Variants in EPS8L3 observed in about 807,000 individuals in gnomAD.
The protein encoded by EPS8L3 is EPS8 signaling adaptor L3.
Under a neutral mutation model 88.5 loss-of-function variants are expected in EPS8L3, and 80 were observed. The observed-to-expected ratio is 0.90, with a 90% CI of 0.75 to 1.09. The LOEUF (loss-of-function observed/expected upper bound fraction) is 1.09, where lower values mean the gene tolerates loss of function less well. Ranked by LOEUF, EPS8L3 falls within the 50% of genes least tolerant of loss-of-function variation. The pLI is 0.00. For synonymous variants in EPS8L3, 286 were observed against 291.0 expected (o/e 0.98, Z 0.18); for missense variants, 721 against 735.2 (o/e 0.98, Z 0.22).
At chr1:109,755,673 G>A (rs1299545593) in intron 12 of EPS8L3, among the ~76,000 whole-genome samples, 1 of 152,144 alleles carries the variant, frequency 6.6e-6, no homozygotes, top group Non-Finnish European at 1.5e-5. Context: ...CAGACATGGT[G>A]GTGGCACACA....
rs372417603 is a variant in EPS8L3, at chr1:109,750,760, C to T, written c.1670G>A (p.Ser557Asn). ...TVRTLGSLTG[S>N]QLLRIRPGEL... ...CCCAGGTCTTATGCGAAGTAGCTGG[C>T]TCCCCGTCAGGGACCCAAGTGTCCT... The change falls in exon 18 of 19, where the codon AGC becomes AAC. Residue 557 changes from serine to asparagine, a missense_variant. Coordinates refer to ENST00000361965, the MANE Select transcript of EPS8L3 (RefSeq NM_133181.4). 2 of 1,614,082 alleles carry T rather than the reference C, an allele frequency of 1.2e-6. No homozygotes were observed. The highest frequency in any genetic ancestry group is 2.7e-5 in the African/African-American group (2 of 74,942).
At chr1:109,752,268 C>T (rs1442287051) in intron 14 of EPS8L3, 75 bp from the exon 15 acceptor site, 7 of 1,392,176 alleles carry the variant, frequency 5.0e-6, no homozygotes, top group East Asian at 4.6e-5. Flanking sequence ...TGAGATTCCC[C>T]TCAGGTATCT....
In EPS8L3 at chr1:109,750,265, T is replaced by A; in HGVS notation, c.*126A>T. 1 of 1,159,086 alleles carries A rather than the reference T, an allele frequency of 8.6e-7. No individual in the cohort carries two copies. The highest frequency in any genetic ancestry group is 1.3e-6 in the Non-Finnish European group (1 of 796,802). The allele number at this position is 1,159,086 out of a possible 1,614,324, so 71.8% of individuals were successfully genotyped here. ...GGGCCTGTCCATTGTTTTTGCTGTG[T>A]GAGCTGGGGTGTGGGGTTTGCTGCA... On this transcript the variant is annotated 3_prime_UTR_variant, in exon 19 of 19. Coordinates refer to ENST00000361965, the MANE Select transcript of EPS8L3 (RefSeq NM_133181.4).
chr1:109,763,108 T>C (rs534035145), intron 1 of EPS8L3, among the ~76,000 whole-genome samples: 9 of 152,276 alleles, frequency 5.9e-5, no homozygotes, highest in African/African-American at 1.9e-4. Context: ...ATTAGGACTG[T>C]TGTGAAAATG....
At chr1:109,753,348 C>T (rs1212680186) in intron 12 of EPS8L3, 150 bp from the exon 13 acceptor site, 1 of 619,992 alleles carries the variant, frequency 1.6e-6, no homozygotes, top group African/African-American at 1.8e-5. Context: ...ATGAAAGGCC[C>T]CAGGACACCC....
intron 11 of EPS8L3, 22 bp downstream of exon 11, chr1:109,757,459 A>G (rs758389699): frequency 3.7e-6 from 6 of 1,608,138 alleles, no homozygotes; most frequent in Non-Finnish European, 5.1e-6. Flanking sequence ...CGTCTTCACC[A>G]CCCTGTCGTC....
In EPS8L3 at chr1:109,758,016, C is replaced by T. The variant is rs777818613; in HGVS notation, c.760G>A (p.Gly254Arg). ...TTTGCCTGGGCCTTCTCCAGCTTTCCCATGAACAGCTCAATGTCCCTTAGG... is the reference window on the plus strand; with the variant it reads ...TTTGCCTGGGCCTTCTCCAGCTTTCTCATGAACAGCTCAATGTCCCTTAGG... The part of the protein sequence containing the change: ...HVLRDIELFM[G>R]KLEKAQAKTS... The change falls in exon 9 of 19, where the codon GGA (glycine) becomes AGA (arginine). Residue 254 changes from glycine (G) to arginine (R), a missense_variant. Transcript: ENST00000361965. The T allele has an allele frequency of 1.2e-6, 2 of 1,614,206 alleles. No homozygotes were observed. The highest frequency in any genetic ancestry group is 4.5e-5 in the East Asian group (2 of 44,878).
In EPS8L3 at chr1:109,757,066, G is replaced by A; in HGVS notation, c.1069C>T (p.Pro357Ser). ...INLLQSCLSP[P>S]ESNLWMGLGP... Reference sequence around the variant, plus strand: ...AACCCCATCCAAAGGTTACTCTCAGGTGGGCTTAGACAGGACTGTAGCAGG... The same window carrying A: ...AACCCCATCCAAAGGTTACTCTCAGATGGGCTTAGACAGGACTGTAGCAGG... Residue 357 changes from proline (P) to serine (S), a missense_variant, in exon 12 of 19, where the codon CCT (proline) becomes TCT (serine). By Grantham distance (74) the Pro-to-Ser change is moderately conservative. Coordinates refer to ENST00000361965, the MANE Select transcript of EPS8L3 (RefSeq NM_133181.4). 5.6e-6 allele frequency: 9 copies of A among 1,614,190 alleles called. No individual in the cohort carries two copies. The highest frequency in any genetic ancestry group is 1.3e-5 in the African/African-American group (1 of 75,054).
chr1:109,756,186 C>T (rs1295150512), intron 12 of EPS8L3, among the ~76,000 whole-genome samples: 2 of 152,228 alleles, frequency 1.3e-5, no homozygotes, highest in Non-Finnish European at 2.9e-5. Flanking sequence ...CTCAGCTCAG[C>T]GTGCCCAAGC....
At position 109,751,932 on chromosome 1, in the gene EPS8L3, C is replaced by G. The variant is rs1649832185; in HGVS notation, c.1434+63G>C. ...CAGCTCCATCCCTGGACCATCCACC[C>G]TTGGCTGCCTGTAGCTCCCACCAAC... On this transcript the variant is annotated intron_variant, in intron 15 of 18. Transcript: ENST00000361965. 3.2e-6 allele frequency: 5 copies of G among 1,563,312 alleles called. No individual in the cohort carries two copies. In the East Asian group the frequency reaches 1.1e-4, roughly 35 times the overall value.
At position 109,750,188 on chromosome 1, in the gene EPS8L3, T is replaced by A. The variant is rs770189147; in HGVS notation, c.*203A>T. The A allele has an allele frequency of 1.1e-4, 66 of 623,682 alleles. 1 individual carries two copies. The highest frequency in any genetic ancestry group is 1.6e-4 in the Non-Finnish European group (55 of 352,606). The allele number at this position is 623,682 out of a possible 1,614,324, so 38.6% of individuals were successfully genotyped here. A position where few individuals can be genotyped will look rare whatever the true frequency, so the allele number is the denominator to read the frequency against. On this transcript the variant is annotated 3_prime_UTR_variant, in exon 19 of 19. Coordinates refer to ENST00000361965, the MANE Select transcript of EPS8L3 (RefSeq NM_133181.4). ...GAAAGAGGTAAAATAAATAGGTGGT[T>A]ACTGGGGAGGCTCCAACACAGCCAG...
intron 14 of EPS8L3, 61 bp from the exon 15 acceptor site, chr1:109,752,254 G>C: frequency 6.7e-7 from 1 of 1,485,430 alleles, no homozygotes; most frequent in African/African-American, 1.4e-5. Context: ...CTATGTCCCA[G>C]CCCTGAGATT....
Position 109,757,154 on chromosome 1 carries a change from C to A in EPS8L3, c.981G>T (p.Arg327Ser). The part of the protein sequence containing the change: ...LFKSLNFILA[R>S]CPEAGLAAQV... ...GGGCTGCTAGGCCAGCCTCAGGGCA[C>A]CTGGCCAGGATCTAGGGGAGAGATG... The change falls in exon 12 of 19, where the codon AGG (arginine) becomes AGT (serine). Residue 327 changes from arginine (R) to serine (S), a missense_variant. By Grantham distance (110) the Arg-to-Ser change is moderately radical (BLOSUM62 -1). Transcript: ENST00000361965. 1 of 1,611,282 alleles carries A rather than the reference C, an allele frequency of 6.2e-7. No individual in the cohort carries two copies. The highest frequency in any genetic ancestry group is 8.5e-7 in the Non-Finnish European group (1 of 1,178,364).
intron 3 of EPS8L3, among the ~76,000 whole-genome samples, chr1:109,760,928 G>A (rs1481387613): frequency 6.6e-6 from 1 of 152,128 alleles, no homozygotes; most frequent in African/African-American, 2.4e-5. Flanking sequence ...AAATCTTGCA[G>A]TGCCTGCATC....
In EPS8L3 at chr1:109,751,345, T is replaced by C; in HGVS notation, c.1570A>G (p.Met524Val). The C allele has an allele frequency of 6.2e-7, 1 of 1,613,664 alleles. No individual in the cohort carries two copies. The highest frequency in any genetic ancestry group is 8.5e-7 in the Non-Finnish European group (1 of 1,179,962). ...TQGQSPSRVPMLRLSSRPEEV... is the reference protein window; with the variant it reads ...TQGQSPSRVPVLRLSSRPEEV... ...TCAGGCCTCGAGCTAAGTCGAAGCATTGGAACCTAGAATCAGGGGGAACCA... is the reference window on the plus strand; with the variant it reads ...TCAGGCCTCGAGCTAAGTCGAAGCACTGGAACCTAGAATCAGGGGGAACCA... Residue 524 changes from methionine (M) to valine (V), a missense_variant, in exon 17 of 19, where the codon ATG becomes GTG. Transcript: ENST00000361965.
rs552113621 is a variant in EPS8L3, at chr1:109,753,789, A to G, written c.1119-591T>C. Among the ~76,000 whole-genome samples the G allele has an allele frequency of 1.9e-4, 29 of 152,066 alleles. 1 individual carries two copies. Among genetic ancestry groups the G allele is most frequent in the Middle Eastern group, 6.8e-3 (2 of 294 alleles). On this transcript the variant is annotated intron_variant, in intron 12 of 18. Coordinates refer to ENST00000361965, the MANE Select transcript of EPS8L3 (RefSeq NM_133181.4). ...GCTTGCCCTGCTTGGAATATTTTCC[A>G]CTTGTCTGCCCAGGGAATGCCCATT...
intron 12 of EPS8L3, among the ~76,000 whole-genome samples, chr1:109,756,098 G>T (rs75272130): frequency 0.013 from 1,940 of 152,334 alleles, 40 homozygotes; most frequent in African/African-American, 0.045. Context: ...CCCAGTAGCT[G>T]TGCCTCTAGC....
Position 109,759,432 on chromosome 1 carries a change from T to C in EPS8L3, c.256-45A>G. 1 of 1,601,130 alleles carries C rather than the reference T, an allele frequency of 6.2e-7. No individual in the cohort carries two copies. The highest frequency in any genetic ancestry group is 1.1e-5 in the South Asian group (1 of 88,186). ...CAACTGTGAGGCCACCAGAGCTAGG[T>C]GTGGCTTCTGGGAGCTCCTGACCAG... On this transcript the variant is annotated intron_variant, in intron 4 of 18. Transcript: ENST00000361965. The surrounding 1 kb of genome is among the most constrained non-coding windows in gnomAD (Gnocchi z 4.2).
chr1:109,752,592 G>C (rs1194316223), intron 14 of EPS8L3, 94 bp downstream of exon 14: 2 of 1,188,810 alleles, frequency 1.7e-6, no homozygotes, highest in African/African-American at 3.1e-5. Context: ...GACCCTCTTG[G>C]CTCTCTTAAG....
Sources: allele counts gnomAD v4.1 joint callset (sites outside exome capture counted in the v4.1 genomes callset), GRCh38; gene constraint gnomAD v4.1.1; non-coding constraint Gnocchi (gnomAD v3.1); transcripts MANE v1.5; gene names NCBI Gene and HGNC (gene_info 2026-07-23, HGNC 2026-07-21).